Variants in ZBTB46 observed in about 807,000 individuals in gnomAD.
The protein encoded by ZBTB46 is zinc finger and BTB domain-containing protein 46.
In ZBTB46, 8 loss-of-function variants were observed where a neutral mutation model predicts 44.1. That is an observed-to-expected ratio of 0.18 (90% CI 0.11 to 0.33). ZBTB46 has a LOEUF of 0.33. ZBTB46 is among the 10% of genes least tolerant of loss of function. The probability of loss-of-function intolerance (pLI) is 1.00; values close to 1 mark genes in which losing one functional copy is unlikely to be tolerated. For missense variants in ZBTB46, 651 were observed against 847.7 expected (o/e 0.77, Z 2.88); for synonymous variants, 409 against 382.3 (o/e 1.07, Z -0.81).
chr20:63,775,367 G>A (rs1035958561), intron 3 of ZBTB46: 2 of 288,878 alleles, frequency 6.9e-6, no homozygotes, highest in Non-Finnish European at 1.3e-5. Context: ...CGGCCCCTGC[G>A]CGACCCGGAC....
At chr20:63,792,229 C>G (rs577168733) in intron 1 of ZBTB46, among the ~76,000 whole-genome samples, 18 of 152,264 alleles carry the variant, frequency 1.2e-4, no homozygotes, top group African/African-American at 4.1e-4. Flanking sequence ...TAAGGGGACA[C>G]GTTCACCCCA....
intron 1 of ZBTB46, among the ~76,000 whole-genome samples, chr20:63,810,786 G>T (rs2146030441): frequency 6.6e-6 from 1 of 152,258 alleles, no homozygotes; most frequent in South Asian, 2.1e-4. Context: ...ACAAACGCGA[G>T]AACGTGCCCA....
At position 63,798,685 on chromosome 20, in the gene ZBTB46, A is replaced by AAAAAACAAAAAAAAAAAAC. The variant is rs2092621592; in HGVS notation, c.-33-7896_-33-7895insGTTTTTTTTTTTTGTTTTT. ...GCTAGACTCTGTCTCAAAAAAAAAAAAAAAAAAATTAGCTGGGCATGGTAG... is the reference window on the plus strand; with the variant it reads ...GCTAGACTCTGTCTCAAAAAAAAAAAAAAAACAAAAAAAAAAAACAAAAAAAATTAGCTGGGCATGGTAG... On this transcript the variant is annotated intron_variant, in intron 1 of 4. Transcript: ENST00000245663. Among the ~76,000 whole-genome samples the AAAAAACAAAAAAAAAAAAC allele has an allele frequency of 4.7e-5, 6 of 127,954 alleles. 1 individual carries two copies. The highest frequency in any genetic ancestry group is 1.9e-4 in the African/African-American group (6 of 31,286). 83.9% of individuals were successfully genotyped at this position (127,954 alleles called of 152,430 possible).
At position 63,774,689 on chromosome 20, in the gene ZBTB46, G is replaced by GT. The variant is rs1292458776; in HGVS notation, c.1222+988dup. Among the ~76,000 whole-genome samples, 6 of 44,152 alleles carry GT rather than the reference G, an allele frequency of 1.4e-4. 1 individual carries two copies. The highest frequency in any genetic ancestry group is 2.4e-4 in the Admixed American group (1 of 4,222). The allele number at this position is 44,152 out of a possible 152,430, so 29.0% of individuals were successfully genotyped here. On this transcript the variant is annotated intron_variant, in intron 3 of 4. Coordinates refer to ENST00000245663, the MANE Select transcript of ZBTB46 (RefSeq NM_001369741.1). Reference sequence around the variant, plus strand: ...GCTGGCTGGGGGCTGGCTGCGGTGGGTTTTTTTTGTTTTTTTTTTTGTTTT... The same window carrying GT: ...GCTGGCTGGGGGCTGGCTGCGGTGGGTTTTTTTTTGTTTTTTTTTTTGTTTT...
chr20:63,802,453 A>G (rs1458529161), intron 1 of ZBTB46, among the ~76,000 whole-genome samples: 1 of 144,392 alleles, frequency 6.9e-6, no homozygotes, highest in African/African-American at 2.6e-5. Context: ...GGGGGCCCCT[A>G]ATCCAGTATG....
At chr20:63,762,684 A>C (rs1337212282) in intron 3 of ZBTB46, among the ~76,000 whole-genome samples, 4 of 146,026 alleles carry the variant, frequency 2.7e-5, no homozygotes, top group Non-Finnish European at 4.5e-5. Flanking sequence ...AAACAAAAAA[A>C]AAACCAACTG....
At chr20:63,783,614 G>C (rs184115772) in intron 2 of ZBTB46, among the ~76,000 whole-genome samples, 11 of 152,284 alleles carry the variant, frequency 7.2e-5, no homozygotes, top group African/African-American at 2.6e-4. Context: ...GTTCATACCT[G>C]AAAGCAAAAA....
Position 63,790,113 on chromosome 20 carries a change from A to G in ZBTB46, c.645T>C (p.Pro215=). The G allele has an allele frequency of 6.2e-7, 1 of 1,614,034 alleles. No homozygotes were observed. The highest frequency in any genetic ancestry group is 8.5e-7 in the Non-Finnish European group (1 of 1,180,026). Residue 215 remains proline, a synonymous_variant, in exon 2 of 5, where the codon CCT becomes CCC. Coordinates refer to ENST00000245663, the MANE Select transcript of ZBTB46 (RefSeq NM_001369741.1). ...CGTAGCCCACGTCTCCAGGCCATAGAGGCTGTGAAGAAACATCATCAGGGC... is the reference window on the plus strand; with the variant it reads ...CGTAGCCCACGTCTCCAGGCCATAGGGGCTGTGAAGAAACATCATCAGGGC... ...ADGPDDVSSQ[P]LWPGDVGYGP... is the part of the protein sequence containing the mutation.
chr20:63,792,389 G>A (rs1004621724), intron 1 of ZBTB46, among the ~76,000 whole-genome samples: 5 of 151,114 alleles, frequency 3.3e-5, no homozygotes, highest in Non-Finnish European at 5.9e-5. Flanking sequence ...ATGTCCTTCC[G>A]GCAAGGAGCC....
chr20:63,772,999 A>G (rs6062520), intron 3 of ZBTB46, among the ~76,000 whole-genome samples: 41,530 of 152,088 alleles, frequency 0.27, 6,023 homozygotes, highest in African/African-American at 0.37. Context: ...CAGGGCCACC[A>G]AGGCCGAGCT....
intron 1 of ZBTB46, among the ~76,000 whole-genome samples, chr20:63,795,153 C>T (rs577693193): frequency 6.6e-6 from 1 of 152,372 alleles, no homozygotes; most frequent in East Asian, 1.9e-4. Flanking sequence ...TTTTCTGAGG[C>T]TTCTTGGTAT....
intron 1 of ZBTB46, among the ~76,000 whole-genome samples, chr20:63,817,459 A>G (rs978548119): frequency 6.6e-6 from 1 of 151,912 alleles, no homozygotes; most frequent in African/African-American, 2.4e-5. Flanking sequence ...TCAGGCTTGT[A>G]ATCCCAGCTC....
At chr20:63,750,397 C>CA (rs1464719005) in intron 4 of ZBTB46, among the ~76,000 whole-genome samples, 5 of 145,028 alleles carry the variant, frequency 3.4e-5, no homozygotes, top group Non-Finnish European at 6.1e-5. Flanking sequence ...ACTTGGCTAA[C>CA]TTTTTTTTTT....
chr20:63,749,113 C>A (rs1406296353), intron 4 of ZBTB46, among the ~76,000 whole-genome samples: 1 of 152,258 alleles, frequency 6.6e-6, no homozygotes, highest in African/African-American at 2.4e-5. Context: ...ATAAAGACCT[C>A]ACTTCTCAAA....
chr20:63,782,456 T>C (rs1008638540), intron 2 of ZBTB46, among the ~76,000 whole-genome samples: 1 of 152,162 alleles, frequency 6.6e-6, no homozygotes, highest in Non-Finnish European at 1.5e-5. Context: ...CTCCAGGGGA[T>C]GCAGCCCTGC....
At position 63,789,989 on chromosome 20, in the gene ZBTB46, C is replaced by G; in HGVS notation, c.769G>C (p.Glu257Gln). Residue 257 changes from glutamate to glutamine, a missense_variant, in exon 2 of 5, where the codon GAG (glutamate) becomes CAG (glutamine). By Grantham distance (29) the Glu-to-Gln change is conservative (BLOSUM62 2). Coordinates refer to ENST00000245663, the MANE Select transcript of ZBTB46 (RefSeq NM_001369741.1). ...KDGAVQNSFS[E>Q]QSAGDAWQPT... The stretch of plus-strand genomic sequence containing the variant: ...TGCCAGGCATCACCAGCACTCTGCT[C>G]TGAGAAAGAGTTCTGTACTGCACCG... 3 of 1,614,130 alleles carry G rather than the reference C, an allele frequency of 1.9e-6. No individual in the cohort carries two copies. The highest frequency in any genetic ancestry group is 2.5e-6 in the Non-Finnish European group (3 of 1,180,034).
At chr20:63,765,347 G>A (rs1305854593) in intron 3 of ZBTB46, among the ~76,000 whole-genome samples, 1 of 152,200 alleles carries the variant, frequency 6.6e-6, no homozygotes, top group African/African-American at 2.4e-5. Flanking sequence ...GTGAAGGGCA[G>A]CTCATCTGTG....
At chr20:63,807,800 C>T (rs977441695) in intron 1 of ZBTB46, among the ~76,000 whole-genome samples, 6 of 152,278 alleles carry the variant, frequency 3.9e-5, no homozygotes, top group Admixed American at 6.5e-5. Context: ...TTACAGGCGG[C>T]GCCTCAGGGC....
At chr20:63,751,026 T>C (rs1325122315) in intron 4 of ZBTB46, among the ~76,000 whole-genome samples, 1 of 152,202 alleles carries the variant, frequency 6.6e-6, no homozygotes, top group African/African-American at 2.4e-5. Context: ...AAGAAAGACG[T>C]TGCAATCCAT....
Sources: allele counts gnomAD v4.1 joint callset (sites outside exome capture counted in the v4.1 genomes callset), GRCh38; gene constraint gnomAD v4.1.1; transcripts MANE v1.5; gene names NCBI Gene and HGNC (gene_info 2026-07-23, HGNC 2026-07-21).